PBX1: variants seen among roughly 807,000 people sequenced by gnomAD.
PBX1 encodes pre-B-cell leukemia transcription factor 1.
A neutral mutation model predicts 53.4 loss-of-function variants in PBX1; 6 were observed. That is an observed-to-expected ratio of 0.11 (90% CI 0.06 to 0.22). The LOEUF is 0.22. Ranked by LOEUF, PBX1 falls within the 10% of genes least tolerant of loss-of-function variation. PBX1 has a pLI of 1.00. For missense variants in PBX1, 251 were observed against 551.4 expected (o/e 0.46, Z 5.46); for synonymous variants, 204 against 212.3 (o/e 0.96, Z 0.34).
chr1:164,778,462 A>G (rs1203100482), intron 2 of PBX1, among the ~76,000 whole-genome samples: 1 of 152,048 alleles, frequency 6.6e-6, no homozygotes, highest in Non-Finnish European at 1.5e-5. Context: ...TGGGCAAAAT[A>G]GGGAGGCCCT....
intron 1 of PBX1, among the ~76,000 whole-genome samples, chr1:164,561,994 C>A (rs1653086217): frequency 1.3e-5 from 2 of 151,682 alleles, no homozygotes; most frequent in Admixed American, 6.6e-5. Context: ...AAAATCAACG[C>A]TAAGCTTTCT....
chr1:164,619,337 A>G (rs1657517621), intron 2 of PBX1, among the ~76,000 whole-genome samples: 1 of 152,150 alleles, frequency 6.6e-6, no homozygotes, highest in South Asian at 2.1e-4. Context: ...GGCAGAGGAA[A>G]AAAGACCATT....
intron 2 of PBX1, among the ~76,000 whole-genome samples, chr1:164,655,193 AACCTCC>A (rs2101932952): frequency 6.6e-6 from 1 of 150,892 alleles, no homozygotes; most frequent in African/African-American, 2.4e-5. Context: ...AGCTCACTGC[AACCTCC>A]ACCTCCTGGG....
At chr1:164,580,495 G>T (rs1452679169) in intron 2 of PBX1, among the ~76,000 whole-genome samples, 1 of 151,982 alleles carries the variant, frequency 6.6e-6, no homozygotes. Context: ...GGCCAGGCTG[G>T]TCTTGAACTC....
intron 2 of PBX1, among the ~76,000 whole-genome samples, chr1:164,565,644 G>A (rs1165195831): frequency 2.0e-5 from 3 of 152,038 alleles, no homozygotes; most frequent in African/African-American, 7.2e-5. Context: ...TCTAAAGCAC[G>A]ATTACTTGGC....
intron 8 of PBX1, among the ~76,000 whole-genome samples, chr1:164,832,343 T>C (rs1356471164): frequency 6.6e-6 from 1 of 152,234 alleles, no homozygotes; most frequent in East Asian, 1.9e-4. Flanking sequence ...ACTAGTTCAT[T>C]TCTTTATTAA....
At chr1:164,699,430 TG>T (rs1315687040) in intron 2 of PBX1, among the ~76,000 whole-genome samples, 3 of 151,766 alleles carry the variant, frequency 2.0e-5, no homozygotes, top group African/African-American at 7.3e-5. Flanking sequence ...ACAAAGATTG[TG>T]GATCCCCAAA....
intron 2 of PBX1, among the ~76,000 whole-genome samples, chr1:164,664,364 T>G (rs1486213044): frequency 7.9e-5 from 12 of 152,170 alleles, no homozygotes; most frequent in Non-Finnish European, 2.9e-5. Flanking sequence ...TGACAACTGG[T>G]GTTGGCCGTA....
chr1:164,837,943 T>C (rs1342736356), intron 8 of PBX1, among the ~76,000 whole-genome samples: 1 of 152,186 alleles, frequency 6.6e-6, no homozygotes, highest in East Asian at 1.9e-4. Flanking sequence ...ATCCCTTATA[T>C]GGCATTATTA....
intron 2 of PBX1, among the ~76,000 whole-genome samples, chr1:164,734,618 A>G (rs945997686): frequency 1.3e-5 from 2 of 152,200 alleles, no homozygotes; most frequent in Non-Finnish European, 2.9e-5. Context: ...TGAGGATAAT[A>G]TGGTATTAAA....
intron 2 of PBX1, among the ~76,000 whole-genome samples, chr1:164,568,039 C>A (rs1370881904): frequency 6.6e-6 from 1 of 152,248 alleles, no homozygotes; most frequent in East Asian, 1.9e-4. Flanking sequence ...TGGTGCCAGA[C>A]CTATTCACAT....
At chr1:164,633,476 T>G (rs1348125425) in intron 2 of PBX1, among the ~76,000 whole-genome samples, 1 of 152,176 alleles carries the variant, frequency 6.6e-6, no homozygotes, top group African/African-American at 2.4e-5. Flanking sequence ...CTATTAATAG[T>G]TGGGTCATTT....
intron 2 of PBX1, among the ~76,000 whole-genome samples, chr1:164,865,294 A>C (rs1672191507): frequency 1.3e-5 from 2 of 152,214 alleles, no homozygotes; most frequent in African/African-American, 4.8e-5. Flanking sequence ...AGCATTCTCA[A>C]AGGAACATCT....
intron 2 of PBX1, among the ~76,000 whole-genome samples, chr1:164,588,473 C>CTTTTTTTT (rs371768861): frequency 1.8e-4 from 13 of 73,080 alleles, no homozygotes; most frequent in East Asian, 5.7e-4. Flanking sequence ...CCGGACTAAG[C>CTTTTTTTT]TTTTTTTTTT....
At chr1:164,589,148 G>A (rs1320707683) in intron 2 of PBX1, among the ~76,000 whole-genome samples, 1 of 152,130 alleles carries the variant, frequency 6.6e-6, no homozygotes, top group Non-Finnish European at 1.5e-5. Context: ...GCGGGAGAGG[G>A]GCAGTGGGGG....
At chr1:164,834,546 T>C (rs1670939444) in intron 8 of PBX1, among the ~76,000 whole-genome samples, 1 of 152,118 alleles carries the variant, frequency 6.6e-6, no homozygotes, top group African/African-American at 2.4e-5. Context: ...AGTTTCACCA[T>C]GTTGGACAGG....
intron 2 of PBX1, among the ~76,000 whole-genome samples, chr1:164,707,726 G>A (rs1663522723): frequency 6.6e-6 from 1 of 152,196 alleles, no homozygotes; most frequent in Non-Finnish European, 1.5e-5. Context: ...GTGGGAGGAA[G>A]AGGAAAGAAA....
chr1:164,571,913 A>ATG (rs1653906167), intron 2 of PBX1, among the ~76,000 whole-genome samples: 1 of 92,062 alleles, frequency 1.1e-5, no homozygotes, highest in Non-Finnish European at 2.0e-5. Flanking sequence ...ATATATATAT[A>ATG]TATGCTTTTT....
At chr1:164,731,776 C>G (rs550631302) in intron 2 of PBX1, among the ~76,000 whole-genome samples, 3 of 152,310 alleles carry the variant, frequency 2.0e-5, no homozygotes, top group South Asian at 2.1e-4. Context: ...ATAAACTCAA[C>G]GCCAGTCAAA....
Sources: allele counts gnomAD v4.1 joint callset (sites outside exome capture counted in the v4.1 genomes callset), GRCh38; gene constraint gnomAD v4.1.1; transcripts MANE v1.5; gene names NCBI Gene and HGNC (gene_info 2026-07-23, HGNC 2026-07-21).